SPACA3: variants seen among roughly 807,000 people sequenced by gnomAD.
SPACA3 encodes the protein sperm acrosome membrane-associated protein 3.
A neutral mutation model predicts 24.5 loss-of-function variants in SPACA3; 21 were observed. The ratio of observed to expected loss-of-function variants is 0.86; its 90% CI spans 0.61 to 1.24. The LOEUF (loss-of-function observed/expected upper bound fraction) is 1.24. SPACA3 is among the 50% of genes most tolerant of loss of function. The probability of loss-of-function intolerance (pLI) is 0.00; values close to 1 mark genes in which losing one functional copy is unlikely to be tolerated. For synonymous variants in SPACA3, 115 were observed against 106.9 expected (o/e 1.08, Z -0.47); for missense variants, 278 against 275.5 (o/e 1.01, Z -0.06).
intron 1 of SPACA3, among the ~76,000 whole-genome samples, chr17:32,994,340 A>G (rs1368378441): frequency 1.3e-5 from 2 of 152,096 alleles, no homozygotes; most frequent in African/African-American, 4.8e-5. Flanking sequence ...CTCATTTTAT[A>G]GAGGAAGAAA....
intron 1 of SPACA3, chr17:32,992,814 G>T (rs554114960): frequency 2.2e-6 from 1 of 453,402 alleles, no homozygotes. Flanking sequence ...GGAGTGGGCC[G>T]CAGGGCTGGG....
At chr17:32,997,366 C>T in intron 3 of SPACA3, 79 bp from the exon 4 acceptor site, 2 of 1,056,338 alleles carry the variant, frequency 1.9e-6, no homozygotes, top group Non-Finnish European at 2.9e-6. Flanking sequence ...GAGAGACAGA[C>T]AGATACACAC....
At chr17:32,997,381 A>T (rs2091729338) in intron 3 of SPACA3, 64 bp from the exon 4 acceptor site, 25 of 1,232,114 alleles carry the variant, frequency 2.0e-5, no homozygotes, top group Non-Finnish European at 3.0e-5. Flanking sequence ...ACACACTCAC[A>T]CACACACACA....
rs528192412 is a variant in SPACA3 at position 32,997,021 on chromosome 17, G to T, written c.502+20G>T. ...GCTCAGGTAGCTGGGCCTGGGCCCA[G>T]GGCTGGCAGGAGTCAGGCCCTGCAT... On this transcript the variant is annotated intron_variant, in intron 3 of 4. Transcript: ENST00000269053. 1.8e-5 allele frequency: 27 copies of T among 1,495,262 alleles called. No homozygotes were observed. The South Asian group carries it at 3.5e-4, about 20-fold the overall frequency. 92.6% of individuals were successfully genotyped at this position (1,495,262 alleles called of 1,614,324 possible). A position where few individuals can be genotyped will look rare whatever the true frequency, so the allele number is the denominator to read the frequency against.
At chr17:32,994,268 G>C (rs948548180) in intron 1 of SPACA3, among the ~76,000 whole-genome samples, 5 of 152,168 alleles carry the variant, frequency 3.3e-5, no homozygotes, top group African/African-American at 1.2e-4. Context: ...GAGCTACGCT[G>C]TGCCCACGCC....
At position 32,995,684 on chromosome 17, in the gene SPACA3, C is replaced by A; in HGVS notation, c.310C>A (p.Leu104Met). ...GGCCAGAGTGCTACATGACTTCGGG[C>A]TGGACGGATACCGGGGATACAGCCT... ...ELARVLHDFG[L>M]DGYRGYSLAD... Residue 104 changes from leucine (L) to methionine (M), a missense_variant, in exon 2 of 5, where the codon CTG (leucine) becomes ATG (methionine). Leu to Met is a conservative substitution (Grantham distance 15). Coordinates refer to ENST00000269053, the MANE Select transcript of SPACA3 (RefSeq NM_173847.5). The A allele has an allele frequency of 6.2e-7, 1 of 1,614,132 alleles. No individual in the cohort carries two copies. The highest frequency in any genetic ancestry group is 8.5e-7 in the Non-Finnish European group (1 of 1,179,974).
Position 32,996,966 on chromosome 17 carries a change from C to T in SPACA3, c.467C>T (p.Pro156Leu), listed in dbSNP as rs143361724. The T allele has an allele frequency of 8.9e-5, 141 of 1,591,902 alleles. No individual in the cohort carries two copies. The highest frequency in any genetic ancestry group is 1.1e-4 in the African/African-American group (8 of 74,270). ...CGGAGGTGGTGCAGCAACCTCACCC[C>T]GAACGTCCCCAACGTGTGCCGGATG... ...NSRRWCSNLT[P>L]NVPNVCRMYC... Residue 156 changes from proline (P) to leucine (L), a missense_variant, in exon 3 of 5, where the codon CCG (proline) becomes CTG (leucine). Coordinates refer to ENST00000269053, the MANE Select transcript of SPACA3 (RefSeq NM_173847.5).
At chr17:32,996,318 G>A (rs1268972257) in intron 2 of SPACA3, among the ~76,000 whole-genome samples, 1 of 152,118 alleles carries the variant, frequency 6.6e-6, no homozygotes, top group South Asian at 2.1e-4. Flanking sequence ...GCGAAACCCC[G>A]TCTCTACTAA....
At chr17:32,995,317 A>C in intron 1 of SPACA3, 92 bp from the exon 2 acceptor site, 1 of 1,237,982 alleles carries the variant, frequency 8.1e-7, no homozygotes. Context: ...TCTCGGGGTC[A>C]GGGTGATGCT....
In SPACA3 at chr17:32,996,943, G is replaced by A; in HGVS notation, c.444G>A (p.Arg148=). 6.2e-7 allele frequency: 1 copy of A among 1,606,552 alleles called. No homozygotes were observed. Among genetic ancestry groups the A allele is most frequent in the Non-Finnish European group, 8.5e-7 (1 of 1,176,314 alleles). The change falls in exon 3 of 5, where the codon CGG becomes CGA. Residue 148 remains arginine, a synonymous_variant. Coordinates refer to ENST00000269053, the MANE Select transcript of SPACA3 (RefSeq NM_173847.5). ...TNNGIFQINS[R]RWCSNLTPNV... is the part of the protein sequence containing the mutation. ...ACGGGATCTTCCAGATCAACAGCCG[G>A]AGGTGGTGCAGCAACCTCACCCCGA... is the stretch of plus-strand genomic sequence containing the variant.
chr17:32,995,602 T>C lies in SPACA3; in HGVS notation c.228T>C (p.Cys76=). The part of the protein sequence containing the change: ...PAGIMLLALV[C]LLSCLLPSSE... ...GGATCATGTTGTTGGCCCTGGTCTG[T>C]CTGCTCAGCTGCCTGCTACCCTCCA... Residue 76 remains cysteine, a synonymous_variant, in exon 2 of 5, where the codon TGT becomes TGC. Transcript: ENST00000269053. 6.2e-7 allele frequency: 1 copy of C among 1,614,234 alleles called. No homozygotes were observed. Among genetic ancestry groups the C allele is most frequent in the Non-Finnish European group, 8.5e-7 (1 of 1,180,046 alleles).
At chr17:32,995,371 C>T (rs1289205466) in intron 1 of SPACA3, 38 bp from the exon 2 acceptor site, 1 of 1,549,788 alleles carries the variant, frequency 6.5e-7, no homozygotes. Context: ...TGGAGCCTGG[C>T]CTTCTGCCCA....
At chr17:32,994,471 T>C (rs1041196075) in intron 1 of SPACA3, among the ~76,000 whole-genome samples, 2 of 152,048 alleles carry the variant, frequency 1.3e-5, no homozygotes, top group African/African-American at 4.8e-5. Context: ...GCATTCAAGG[T>C]CCCGTGGAGG....
intron 1 of SPACA3, chr17:32,993,023 G>A (rs1042491623): frequency 4.3e-6 from 2 of 460,612 alleles, no homozygotes; most frequent in African/African-American, 4.0e-5. Flanking sequence ...CCTAGGAAAG[G>A]ACGGTGCTCT....
Position 32,995,777 on chromosome 17 carries a change from C to T in SPACA3, c.343+60C>T, listed in dbSNP as rs920298055. On this transcript the variant is annotated intron_variant, in intron 2 of 4. Transcript: ENST00000269053. ...CCCACACCTCCCTCCCTCTTTCCCT[C>T]CCTCTCTCCTTCTCATTCAAGGGCT... 12 of 1,543,698 alleles carry T rather than the reference C, an allele frequency of 7.8e-6. No homozygotes were observed. The African/African-American group carries it at 1.2e-4, about 16-fold the overall frequency.
rs1435069870 is a variant in SPACA3 at position 32,997,492 on chromosome 17, A to T, written c.550A>T (p.Ile184Leu). 5.6e-6 allele frequency: 9 copies of T among 1,614,134 alleles called. No individual in the cohort carries two copies. Among genetic ancestry groups the T allele is most frequent in the African/African-American group, 1.3e-5 (1 of 75,022 alleles). Residue 184 changes from isoleucine to leucine, a missense_variant, in exon 4 of 5, where the codon ATA becomes TTA. Coordinates refer to ENST00000269053, the MANE Select transcript of SPACA3 (RefSeq NM_173847.5). ...LKDTVICAMK[I>L]TQEPQGLGYW... ...GGATACCGTTATCTGTGCCATGAAG[A>T]TAACCCAAGAGCCTCAGGGTCTGGG...
rs2091702222 is a variant in SPACA3 at position 32,993,290 on chromosome 17, T to A, written c.34+1318T>A. On this transcript the variant is annotated intron_variant, in intron 1 of 4. Coordinates refer to ENST00000269053, the MANE Select transcript of SPACA3 (RefSeq NM_173847.5). The stretch of plus-strand genomic sequence containing the variant: ...GAAGTGTCCTGCCAGTAGCTGCCTC[T>A]GAGGTCTTGGGGAAGATGCCACAGG... Among the ~76,000 whole-genome samples the A allele has an allele frequency of 2.0e-5, 3 of 152,204 alleles. No individual in the cohort carries two copies. In the South Asian group the frequency reaches 6.2e-4, roughly 32 times the overall value.
At chr17:32,994,494 G>A (rs1020056310) in intron 1 of SPACA3, among the ~76,000 whole-genome samples, 1 of 152,174 alleles carries the variant, frequency 6.6e-6, no homozygotes, top group Non-Finnish European at 1.5e-5. Context: ...GGAGACCAGG[G>A]ACACCAATTG....
At chr17:32,993,978 G>A (rs963274668) in intron 1 of SPACA3, among the ~76,000 whole-genome samples, 2 of 152,088 alleles carry the variant, frequency 1.3e-5, no homozygotes, top group African/African-American at 4.8e-5. Flanking sequence ...GGAGATGAGG[G>A]CGAGGAGGCT....
Sources: allele counts gnomAD v4.1 joint callset (sites outside exome capture counted in the v4.1 genomes callset), GRCh38; gene constraint gnomAD v4.1.1; transcripts MANE v1.5; gene names NCBI Gene and HGNC (gene_info 2026-07-23, HGNC 2026-07-21).